Variants in TNK1 observed in about 807,000 individuals in gnomAD.
The protein encoded by TNK1 is non-receptor tyrosine-protein kinase TNK1.
A neutral mutation model predicts 65.2 loss-of-function variants in TNK1; 53 were observed. The observed-to-expected ratio is 0.81, with a 90% CI of 0.65 to 1.02. The LOEUF (loss-of-function observed/expected upper bound fraction) is 1.02. Among genes scored for constraint, TNK1 ranks in the 50% least tolerant of loss-of-function variants. The pLI is 0.00. For synonymous variants in TNK1, 353 were observed against 364.6 expected, an observed-to-expected ratio of 0.97 and a Z score of 0.36; for missense variants, 837 against 878.4, an observed-to-expected ratio of 0.95 and a Z score of 0.60.
At position 7,388,876 on chromosome 17, in the gene TNK1, A is replaced by G; in HGVS notation, c.1865A>G (p.Asn622Ser). ...GGAGATGTGGTTTCTGCCATCCGGA[A>G]CCTCAAGGTAAAGCCAGCCCCTTCT... ...TGGDVVSAIRNLKVDQLFHLS... is the reference protein window; with the variant it reads ...TGGDVVSAIRSLKVDQLFHLS... Residue 622 changes from asparagine (N) to serine (S), a missense_variant, in exon 12 of 13, where the codon AAC (asparagine) becomes AGC (serine). Transcript: ENST00000688331. The surrounding 1 kb of genome is among the most constrained non-coding windows in gnomAD (Gnocchi z 4.5). The G allele has an allele frequency of 6.3e-7, 1 of 1,594,218 alleles. No individual in the cohort carries two copies. The highest frequency in any genetic ancestry group is 8.5e-7 in the Non-Finnish European group (1 of 1,170,382).
chr17:7,386,692 A>G (rs2143140468), intron 8 of TNK1, 37 bp downstream of exon 8: 3 of 1,486,198 alleles, frequency 2.0e-6, no homozygotes, highest in African/African-American at 2.8e-5. Flanking sequence ...CCTCAGGAGG[A>G]GGATACCCTC....
rs115923812 is a variant in TNK1, at chr17:7,383,471, C to G, written c.281C>G (p.Ser94Trp). The change falls in exon 4 of 13, where the codon TCG (serine) becomes TGG (tryptophan). Residue 94 changes from serine to tryptophan, a missense_variant. Transcript: ENST00000688331. Reference sequence around the variant, plus strand: ...GAGCACAAGGAGCCCACCCTGCCCTCGGACAGCCCACGGCACCTCCCTGAG... The same window carrying G: ...GAGCACAAGGAGCCCACCCTGCCCTGGGACAGCCCACGGCACCTCCCTGAG... The part of the protein sequence containing the change: ...APEHKEPTLP[S>W]DSPRHLPEPE... 6.2e-7 allele frequency: 1 copy of G among 1,613,938 alleles called. No homozygotes were observed. Among genetic ancestry groups the G allele is most frequent in the South Asian group, 1.1e-5 (1 of 91,080 alleles).
rs1039203406 is a variant in TNK1 at position 7,382,100 on chromosome 17, T to C, written c.-91-736T>C. Among the ~76,000 whole-genome samples, 1 of 152,124 alleles carries C rather than the reference T, an allele frequency of 6.6e-6. No individual in the cohort carries two copies. The highest frequency in any genetic ancestry group is 1.5e-5 in the Non-Finnish European group (1 of 68,020). ...GGCCAATATGGTGAAACCCCATCTCTACTAAAAATACAAAAAATAGCCGGG... is the reference window on the plus strand; with the variant it reads ...GGCCAATATGGTGAAACCCCATCTCCACTAAAAATACAAAAAATAGCCGGG... On this transcript the variant is annotated intron_variant, in intron 1 of 12. Transcript: ENST00000688331. The surrounding 1 kb of genome is among the most constrained non-coding windows in gnomAD (Gnocchi z 4.1).
At chr17:7,383,126 TCCACAGCCTATCAGTTGCCTTC>T in intron 2 of TNK1, 37 bp downstream of exon 2, 1 of 1,613,250 alleles carries the variant, frequency 6.2e-7, no homozygotes, top group Non-Finnish European at 8.5e-7. Flanking sequence ...GGTCTCTCTG[TCCACAGCCTATCAGTTGCCTTC>T]CCCCACCACA....
At position 7,382,892 on chromosome 17, in the gene TNK1, G is replaced by A; in HGVS notation, c.-35G>A. The A allele has an allele frequency of 6.2e-7, 1 of 1,610,524 alleles. No homozygotes were observed. Among genetic ancestry groups the A allele is most frequent in the African/African-American group, 1.3e-5 (1 of 74,990 alleles). On this transcript the variant is annotated 5_prime_UTR_variant, in exon 2 of 13. Transcript: ENST00000688331. The surrounding 1 kb of genome is among the most constrained non-coding windows in gnomAD (Gnocchi z 4.1). ...TACCCTGAGCTCACCATCTGAAGGA[G>A]AGTGCCATCATCCTTAGGAACTCCT...
chr17:7,380,601 G>A (rs1174906866), upstream of TNK1: 1 of 152,294 alleles, frequency 6.6e-6, no homozygotes, highest in Admixed American at 6.5e-5. Flanking sequence ...ACATCTCTCT[G>A]CCCTGGCCCC....
In TNK1 at chr17:7,388,677, T is replaced by C; in HGVS notation, c.1749T>C (p.Asp583=). 6.2e-7 allele frequency: 1 copy of C among 1,613,570 alleles called. No homozygotes were observed. The highest frequency in any genetic ancestry group is 2.2e-5 in the East Asian group (1 of 44,876). Residue 583 remains aspartate, a synonymous_variant, in exon 11 of 13, where the codon GAT becomes GAC. Transcript: ENST00000688331. This position sits in a 1 kb window ranked among gnomAD's most constrained non-coding sequence, Gnocchi z 4.5. ...CCCTCTCTGGAGGCCTCTTGTCCGATCCTGAGTTGCAGAGGAAGATTATGG... is the reference window on the plus strand; with the variant it reads ...CCCTCTCTGGAGGCCTCTTGTCCGACCCTGAGTTGCAGAGGAAGATTATGG... ...AAALSGGLLS[D]PELQRKIMEV...
intron 7 of TNK1, among the ~76,000 whole-genome samples, chr17:7,386,196 G>A (rs904788278): frequency 6.6e-6 from 1 of 152,198 alleles, no homozygotes; most frequent in Admixed American, 6.5e-5. Context: ...GCAGAAGGGA[G>A]ATGAAGAGGT....
rs755597216 is a variant in TNK1, at chr17:7,387,082, G to C, written c.1325G>C (p.Gly442Ala). ...ASAVTLADAG[G>A]LPATRPVHRG... ...GCAGTGACGCTGGCAGATGCGGGGG[G>C]CTTGCCAGCCACCCGTCCAGTCCAC... is the stretch of plus-strand genomic sequence containing the variant. The change falls in exon 9 of 13, where the codon GGC (glycine) becomes GCC (alanine). Residue 442 changes from glycine (G) to alanine (A), a missense_variant. By Grantham distance (60) the Gly-to-Ala change is moderately conservative. Transcript: ENST00000688331. The C allele has an allele frequency of 6.2e-7, 1 of 1,613,068 alleles. No individual in the cohort carries two copies. The highest frequency in any genetic ancestry group is 1.7e-5 in the Admixed American group (1 of 59,896).
At position 7,384,170 on chromosome 17, in the gene TNK1, G is replaced by A. The variant is rs754159525; in HGVS notation, c.783G>A (p.Val261=). Residue 261 remains valine (V), a synonymous_variant, in exon 6 of 13, where the codon GTG becomes GTA. Transcript: ENST00000688331. ...TGGCGTCGCCGCGCACCATCAAGGT[G>A]GCTGACTTCGGGCTGGTGCGGCCTC... ...LLLASPRTIK[V]ADFGLVRPLG... The A allele has an allele frequency of 6.5e-6, 10 of 1,536,476 alleles. No homozygotes were observed. Among genetic ancestry groups the A allele is most frequent in the Non-Finnish European group, 8.7e-6 (10 of 1,148,148 alleles).
chr17:7,389,131 CT>C lies in TNK1; in HGVS notation c.*48del, dbSNP rs1343150333. ...ACACCAGCATGAAAAGCCTAGGCCC[CT>C]GAGGGCCTGGCCACATGGGACCAAG... On this transcript the variant is annotated 3_prime_UTR_variant, in exon 13 of 13. Transcript: ENST00000688331. The C allele has an allele frequency of 3.4e-6, 5 of 1,462,594 alleles. No homozygotes were observed. In the South Asian group the frequency reaches 4.9e-5, roughly 14 times the overall value. 90.6% of individuals were successfully genotyped at this position (1,462,594 alleles called of 1,614,324 possible). A position where few individuals can be genotyped will look rare whatever the true frequency, so the allele number is the denominator to read the frequency against.
At position 7,383,745 on chromosome 17, in the gene TNK1, G is replaced by A. The variant is rs1280410155; in HGVS notation, c.463G>A (p.Glu155Lys). 3.7e-6 allele frequency: 6 copies of A among 1,612,358 alleles called. No individual in the cohort carries two copies. Among genetic ancestry groups the A allele is most frequent in the South Asian group, 1.1e-5 (1 of 90,742 alleles). ...TGTCAAGTCCCTCCGGGTAGGTCCC[G>A]AAGGCCCGATGGGCACAGAACTGGG... ...VAVKSLRVGPEGPMGTELGDF... is the reference protein window; with the variant it reads ...VAVKSLRVGPKGPMGTELGDF... Residue 155 changes from glutamate to lysine, a missense_variant, in exon 5 of 13, where the codon GAA (glutamate) becomes AAA (lysine). Glu to Lys is a moderately conservative substitution (Grantham distance 56, BLOSUM62 1). Transcript: ENST00000688331.
chr17:7,384,357 C>G, intron 6 of TNK1, 104 bp downstream of exon 6: 1 of 1,435,038 alleles, frequency 7.0e-7, no homozygotes, highest in Non-Finnish European at 9.1e-7. Flanking sequence ...AGGCTTGGAC[C>G]AGAAGGGTTA....
In TNK1 at chr17:7,389,324, G is replaced by C. The variant is rs1374619792; in HGVS notation, c.*240G>C. ...AAGCTCCTTTGGCTGGGCCAAGAAGGATCTAGTCTGCCCACTACATTCTCA... is the reference window on the plus strand; with the variant it reads ...AAGCTCCTTTGGCTGGGCCAAGAAGCATCTAGTCTGCCCACTACATTCTCA... On this transcript the variant is annotated 3_prime_UTR_variant, in exon 13 of 13. Coordinates refer to ENST00000688331, the MANE Select transcript of TNK1 (RefSeq NM_003985.6). 3 of 571,854 alleles carry C rather than the reference G, an allele frequency of 5.2e-6. No individual in the cohort carries two copies. The highest frequency in any genetic ancestry group is 1.9e-5 in the African/African-American group (1 of 53,446). 35.4% of individuals were successfully genotyped at this position (571,854 alleles called of 1,614,324 possible). A position where few individuals can be genotyped will look rare whatever the true frequency, so the allele number is the denominator to read the frequency against.
Position 7,388,599 on chromosome 17 carries a change from A to G in TNK1, c.1671A>G (p.Arg557=), listed in dbSNP as rs1323387154. The change falls in exon 11 of 13, where the codon AGA becomes AGG. Residue 557 remains arginine, a synonymous_variant. Transcript: ENST00000688331. This position sits in a 1 kb window ranked among gnomAD's most constrained non-coding sequence, Gnocchi z 4.5. ...GGGAGAGGCTTCCCTGGCCCAAAAG[A>G]AAACCCCCACACAATCACCCCATGG... ...PSRERLPWPK[R]KPPHNHPMGM... 1.9e-6 allele frequency: 3 copies of G among 1,613,928 alleles called. No individual in the cohort carries two copies. In the Admixed American group the frequency reaches 5.0e-5, roughly 27 times the overall value.
chr17:7,383,899 C>T lies in TNK1; in HGVS notation c.582+35C>T, dbSNP rs532306511. The T allele has an allele frequency of 4.4e-6, 7 of 1,588,546 alleles. No homozygotes were observed. In the African/African-American group the frequency reaches 6.7e-5, roughly 15 times the overall value. On this transcript the variant is annotated intron_variant, in intron 5 of 12. Coordinates refer to ENST00000688331, the MANE Select transcript of TNK1 (RefSeq NM_003985.6). ...TCCAGCCGCTGGTTCCCGGGACAGC[C>T]GTGCGGCAGGAGCGTGGGCGGCCAG...
chr17:7,387,935 C>T (rs1334789480), intron 10 of TNK1, among the ~76,000 whole-genome samples: 2 of 152,104 alleles, frequency 1.3e-5, no homozygotes, highest in Non-Finnish European at 2.9e-5. Flanking sequence ...GATAGGAAGC[C>T]CTCCTGCCTT....
intron 10 of TNK1, 46 bp downstream of exon 10, chr17:7,387,503 C>G (rs1341494443): frequency 6.7e-7 from 1 of 1,483,496 alleles, no homozygotes; most frequent in East Asian, 2.5e-5. Context: ...CAAGACCAGT[C>G]CTTCAATTCC....
chr17:7,385,632 T>C (rs1273241298), intron 7 of TNK1, among the ~76,000 whole-genome samples: 1 of 152,092 alleles, frequency 6.6e-6, no homozygotes, highest in Non-Finnish European at 1.5e-5. Flanking sequence ...TGGTGGGATC[T>C]TGGCTCACTG....
Sources: gnomAD v4.1 joint callset for allele counts (sites outside exome capture counted in the v4.1 genomes callset) on GRCh38, gnomAD v4.1.1 for gene constraint, Gnocchi (gnomAD v3.1) non-coding constraint, MANE v1.5 for transcripts, NCBI Gene and HGNC (gene_info 2026-07-23, HGNC 2026-07-21) for gene names.